The following ZC3H12B variants were observed in gnomAD, a reference collection of about 807,000 sequenced individuals.
The protein encoded by ZC3H12B is zinc finger CCCH-type containing 12B.
Under a neutral mutation model 43.9 loss-of-function variants are expected in ZC3H12B, and 7 were observed. The ratio of observed to expected loss-of-function variants is 0.16; its 90% CI spans 0.09 to 0.30. The LOEUF (loss-of-function observed/expected upper bound fraction) is 0.30. ZC3H12B is among the 10% of genes least tolerant of loss of function. ZC3H12B has a pLI of 1.00. For synonymous variants in ZC3H12B, 222 were observed against 241.7 expected, an observed-to-expected ratio of 0.92 and a Z score of 0.76; for missense variants, 475 against 670.2, an observed-to-expected ratio of 0.71 and a Z score of 3.22.
At chrX:65,368,544 A>G (rs183653472) in intron 1 of ZC3H12B, among the ~76,000 whole-genome samples, 103 of 112,055 alleles carry the variant, frequency 9.2e-4, no homozygotes, top group African/African-American at 3.2e-3. Flanking sequence ...CATGTAACTC[A>G]GCTATTATTC....
At chrX:65,451,554 C>G (rs1401637631) in intron 3 of ZC3H12B, among the ~76,000 whole-genome samples, 3 of 111,092 alleles carry the variant, frequency 2.7e-5, no homozygotes, top group Non-Finnish European at 5.7e-5. Flanking sequence ...GTTGCTCAGG[C>G]TGCTTTTGAA....
chrX:65,088,363 G>A, the ZC3H12B span, among the ~76,000 whole-genome samples: 53 of 111,023 alleles, frequency 4.8e-4, no homozygotes, highest in African/African-American at 1.7e-3. Flanking sequence ...AGTGCTAGCA[G>A]TGATTTGTAC....
At chrX:65,175,761 G>C in the ZC3H12B span, among the ~76,000 whole-genome samples, 1 of 112,094 alleles carries the variant, frequency 8.9e-6, no homozygotes, top group African/African-American at 3.2e-5. Flanking sequence ...ACGGTGGGGC[G>C]TTGCCTCACC....
the ZC3H12B span, among the ~76,000 whole-genome samples, chrX:65,150,091 A>C: frequency 9.1e-6 from 1 of 110,480 alleles, no homozygotes; most frequent in South Asian, 3.8e-4. Flanking sequence ...ACTACATCTA[A>C]TTAGTTGAGA....
chrX:65,498,498 G>A (rs1484044777), intron 2 of ZC3H12B, among the ~76,000 whole-genome samples: 1 of 111,915 alleles, frequency 8.9e-6, no homozygotes, highest in Non-Finnish European at 1.9e-5. Context: ...GCAACTAGGA[G>A]ACCAAAAGGA....
the ZC3H12B span, among the ~76,000 whole-genome samples, chrX:65,232,248 T>A: frequency 1.1e-4 from 12 of 109,994 alleles, no homozygotes; most frequent in African/African-American, 2.3e-4. Flanking sequence ...CTCAAAAAAA[T>A]AATAAAATAA....
At chrX:65,118,313 T>C in the ZC3H12B span, among the ~76,000 whole-genome samples, 20 of 111,648 alleles carry the variant, frequency 1.8e-4, no homozygotes, top group Non-Finnish European at 2.4e-4. Flanking sequence ...TATTTTATTC[T>C]CTTTGAAGCA....
chrX:65,290,084 C>T, the ZC3H12B span, among the ~76,000 whole-genome samples: 1 of 110,743 alleles, frequency 9.0e-6, no homozygotes, highest in African/African-American at 3.3e-5. Flanking sequence ...ACCTATTTAT[C>T]TGACAGGGGA....
the ZC3H12B span, among the ~76,000 whole-genome samples, chrX:65,330,017 G>T: frequency 3.6e-5 from 4 of 111,893 alleles, no homozygotes; most frequent in African/African-American, 6.5e-5. Flanking sequence ...GCTTAAGATT[G>T]ACTTGGCAAT....
intron 3 of ZC3H12B, among the ~76,000 whole-genome samples, chrX:65,410,771 C>T (rs971540753): frequency 8.9e-6 from 1 of 111,957 alleles, no homozygotes; most frequent in African/African-American, 3.2e-5. Context: ...TCATCTCACC[C>T]CAGTGCAAAT....
the ZC3H12B span, among the ~76,000 whole-genome samples, chrX:65,112,154 G>A: frequency 1.8e-5 from 2 of 112,094 alleles, no homozygotes; most frequent in Non-Finnish European, 3.8e-5. Context: ...GGCCTGGATA[G>A]AAGATCAAAT....
chrX:65,393,210 C>T, intron 2 of ZC3H12B, among the ~76,000 whole-genome samples: 1 of 110,780 alleles, frequency 9.0e-6, no homozygotes, highest in Middle Eastern at 4.7e-3. Context: ...CCTGCCAAAT[C>T]CCCCTCTCTG....
At chrX:65,169,561 A>G in the ZC3H12B span, among the ~76,000 whole-genome samples, 1 of 111,759 alleles carries the variant, frequency 8.9e-6, no homozygotes, top group Non-Finnish European at 1.9e-5. Context: ...TGCTTAGTGC[A>G]CAGCTGAGTT....
intron 3 of ZC3H12B, among the ~76,000 whole-genome samples, chrX:65,415,689 G>A (rs1193529202): frequency 9.0e-6 from 1 of 111,634 alleles, no homozygotes; most frequent in Non-Finnish European, 1.9e-5. Flanking sequence ...CTGAGAGGAG[G>A]GGTCCATTCA....
chrX:65,232,079 CAA>C, the ZC3H12B span, among the ~76,000 whole-genome samples: 3 of 98,246 alleles, frequency 3.1e-5, no homozygotes, highest in African/African-American at 1.1e-4. Context: ...ACTAACAATA[CAA>C]AAAAAAAAAA....
At chrX:65,306,166 C>G in the ZC3H12B span, among the ~76,000 whole-genome samples, 6 of 111,720 alleles carry the variant, frequency 5.4e-5, no homozygotes, top group South Asian at 1.1e-3. Flanking sequence ...ATTGCAAATC[C>G]GTCAATAGAA....
At chrX:65,158,085 C>T in the ZC3H12B span, among the ~76,000 whole-genome samples, 1 of 108,227 alleles carries the variant, frequency 9.2e-6, no homozygotes, top group Non-Finnish European at 1.9e-5. Flanking sequence ...ATCCATGTCC[C>T]TACAAAGGAC....
At chrX:65,317,843 C>G in the ZC3H12B span, among the ~76,000 whole-genome samples, 1 of 99,738 alleles carries the variant, frequency 1.0e-5, no homozygotes, top group African/African-American at 3.7e-5. Flanking sequence ...TATATATACA[C>G]GCACACACTA....
chrX:65,444,946 G>A (rs1463566483), intron 3 of ZC3H12B, among the ~76,000 whole-genome samples: 2 of 111,405 alleles, frequency 1.8e-5, no homozygotes, highest in African/African-American at 6.5e-5. Flanking sequence ...GCTTGTCTTC[G>A]AGCTCACTAA....
Sources: allele counts gnomAD v4.1 joint callset (sites outside exome capture counted in the v4.1 genomes callset), GRCh38; gene constraint gnomAD v4.1.1; transcripts MANE v1.5; gene names NCBI Gene and HGNC (gene_info 2026-07-23, HGNC 2026-07-21).